The following OLFM2 variants were observed in gnomAD, a reference collection of about 807,000 sequenced individuals.
OLFM2 encodes the protein noelin-2.
Under a neutral mutation model 43.9 loss-of-function variants are expected in OLFM2, and 20 were observed. The ratio of observed to expected loss-of-function variants is 0.46; its 90% CI spans 0.32 to 0.66. OLFM2 has a LOEUF of 0.66. OLFM2 is among the 30% of genes least tolerant of loss of function. The pLI is 0.04. For synonymous variants in OLFM2, 268 were observed against 278.6 expected, an observed-to-expected ratio of 0.96 and a Z score of 0.38; for missense variants, 416 against 643.6, an observed-to-expected ratio of 0.65 and a Z score of 3.83.
At chr19:9,913,496 G>A (rs760788119) in intron 1 of OLFM2, 11 of 1,129,192 alleles carry the variant, frequency 9.7e-6, no homozygotes, top group Non-Finnish European at 2.2e-6. Flanking sequence ...TTTCTCAGAG[G>A]CGCCCGCACG....
intron 1 of OLFM2, among the ~76,000 whole-genome samples, chr19:9,866,038 T>C (rs764226389): frequency 4.6e-5 from 7 of 152,252 alleles, no homozygotes; most frequent in African/African-American, 1.2e-4. Context: ...AGAGGAAATA[T>C]TGAATTGTAA....
intron 1 of OLFM2, among the ~76,000 whole-genome samples, chr19:9,865,793 T>C (rs1599468599): frequency 7.2e-6 from 1 of 138,302 alleles, no homozygotes; most frequent in East Asian, 2.1e-4. Context: ...TGCCCGGCCC[T>C]CCCTTCTTGA....
At chr19:9,875,088 C>A (rs962789141) in intron 1 of OLFM2, among the ~76,000 whole-genome samples, 1 of 152,248 alleles carries the variant, frequency 6.6e-6, no homozygotes, top group Non-Finnish European at 1.5e-5. Flanking sequence ...CTGCCAGAGG[C>A]TAGATCTAGA....
intron 1 of OLFM2, among the ~76,000 whole-genome samples, chr19:9,880,352 G>C (rs2046529140): frequency 1.3e-5 from 2 of 152,184 alleles, no homozygotes; most frequent in African/African-American, 4.8e-5. Flanking sequence ...CTACTGTCCA[G>C]GAGACGCGCA....
At chr19:9,892,335 G>T (rs56053932) in intron 1 of OLFM2, among the ~76,000 whole-genome samples, 30,312 of 152,122 alleles carry the variant, frequency 0.2, 3,738 homozygotes, top group Non-Finnish European at 0.26. Flanking sequence ...GGGAGGGACA[G>T]CCACCCTGGG....
At chr19:9,879,997 G>C (rs534549097) in intron 1 of OLFM2, among the ~76,000 whole-genome samples, 3 of 151,888 alleles carry the variant, frequency 2.0e-5, no homozygotes, top group Non-Finnish European at 4.4e-5. Flanking sequence ...GGCTGGTCTC[G>C]AACTCCTGAC....
At chr19:9,855,537 C>CT (rs1007301222) in intron 5 of OLFM2, among the ~76,000 whole-genome samples, 6 of 150,732 alleles carry the variant, frequency 4.0e-5, no homozygotes, top group East Asian at 1.9e-4. Flanking sequence ...CACGCCTGGC[C>CT]TTTTTTTTTC....
intron 1 of OLFM2, among the ~76,000 whole-genome samples, chr19:9,893,755 T>G (rs976990299): frequency 6.6e-6 from 1 of 152,170 alleles, no homozygotes; most frequent in Non-Finnish European, 1.5e-5. Flanking sequence ...GGGGATTTCA[T>G]TTCTCCAACG....
At position 9,904,452 on chromosome 19, in the gene OLFM2, A is replaced by G. The variant is rs1460540887; in HGVS notation, c.63+31852T>C. ...GTGATCCACCCACGTCTGCCTCCCA[A>G]AGTGTTGGGATTATAGGCGTAAGCC... On this transcript the variant is annotated intron_variant, in intron 1 of 5. Transcript: ENST00000264833. 2.0e-5 allele frequency among the ~76,000 whole-genome samples: 3 copies of G among 151,706 alleles called. 1 individual carries two copies. Among genetic ancestry groups the G allele is most frequent in the African/African-American group, 7.3e-5 (3 of 41,284 alleles).
intron 1 of OLFM2, among the ~76,000 whole-genome samples, chr19:9,917,482 C>A (rs1423585023): frequency 6.6e-6 from 1 of 152,126 alleles, no homozygotes. Flanking sequence ...GGAGGGAGAT[C>A]GGAGATTGGA....
At chr19:9,865,772 A>G (rs981030223) in intron 1 of OLFM2, among the ~76,000 whole-genome samples, 18 of 150,462 alleles carry the variant, frequency 1.2e-4, no homozygotes, top group African/African-American at 4.1e-4. Context: ...GATTACAGGC[A>G]TGAGCCACCG....
At chr19:9,878,030 G>A (rs1389151962) in intron 1 of OLFM2, among the ~76,000 whole-genome samples, 1 of 152,030 alleles carries the variant, frequency 6.6e-6, no homozygotes, top group Non-Finnish European at 1.5e-5. Flanking sequence ...TAAAAAATCT[G>A]TGTAGTCATG....
intron 1 of OLFM2, 129 bp from the exon 2 acceptor site, chr19:9,860,923 G>GAGATCACACACAACAGGCAC: frequency 1.1e-6 from 1 of 925,336 alleles, no homozygotes; most frequent in Non-Finnish European, 1.6e-6. Flanking sequence ...GCCAGTGCCT[G>GAGATCACACACAACAGGCAC]TTGTGTGTGA....
chr19:9,855,118 C>T (rs907700980), intron 5 of OLFM2, among the ~76,000 whole-genome samples: 2 of 152,160 alleles, frequency 1.3e-5, no homozygotes, highest in African/African-American at 4.8e-5. Flanking sequence ...CACCCAATAT[C>T]CAATGACCAG....
At chr19:9,919,401 C>T (rs915834086) in intron 1 of OLFM2, among the ~76,000 whole-genome samples, 1 of 152,006 alleles carries the variant, frequency 6.6e-6, no homozygotes, top group Admixed American at 6.6e-5. Flanking sequence ...CTCCTGACCT[C>T]GTAATCCACC....
chr19:9,928,887 T>A (rs1179632397), intron 1 of OLFM2, among the ~76,000 whole-genome samples: 1 of 152,032 alleles, frequency 6.6e-6, no homozygotes, highest in African/African-American at 2.4e-5. Context: ...TGCTCTTTCC[T>A]GGTGACTTCT....
rs986444367 is a variant in OLFM2, at chr19:9,921,723, A to G, written c.63+14581T>C. Among the ~76,000 whole-genome samples the G allele has an allele frequency of 2.6e-5, 4 of 151,856 alleles. 1 individual carries two copies. In the South Asian group the frequency reaches 6.2e-4, roughly 24 times the overall value. On this transcript the variant is annotated intron_variant, in intron 1 of 5. Coordinates refer to ENST00000264833, the MANE Select transcript of OLFM2 (RefSeq NM_058164.4). ...GACGGTCTTGATCTCCTGACCTCGT[A>G]ATCCGCCCACCTCGGCCTCCCAAAA... is the stretch of plus-strand genomic sequence containing the variant.
intron 1 of OLFM2, among the ~76,000 whole-genome samples, chr19:9,902,738 C>T (rs1392240416): frequency 6.6e-6 from 1 of 152,098 alleles, no homozygotes; most frequent in Admixed American, 6.5e-5. Flanking sequence ...GACAAGGTCT[C>T]ACTGTGTCAC....
intron 1 of OLFM2, among the ~76,000 whole-genome samples, chr19:9,880,236 G>C (rs529811013): frequency 6.6e-6 from 1 of 152,142 alleles, no homozygotes; most frequent in Non-Finnish European, 1.5e-5. Context: ...ATGTAGGAGC[G>C]AGAGTCAGCA....
Sources: gnomAD v4.1 joint callset for allele counts (sites outside exome capture counted in the v4.1 genomes callset) on GRCh38, gnomAD v4.1.1 for gene constraint, MANE v1.5 for transcripts, NCBI Gene and HGNC (gene_info 2026-07-23, HGNC 2026-07-21) for gene names.